Variants in LNX2 observed in about 807,000 individuals in gnomAD.
LNX2 encodes the protein ligand of Numb protein X 2.
A neutral mutation model predicts 66.2 loss-of-function variants in LNX2; 35 were observed. The observed-to-expected ratio is 0.53, with a 90% CI of 0.40 to 0.70. The LOEUF is 0.70. Among genes scored for constraint, LNX2 ranks in the 30% least tolerant of loss-of-function variants. The probability of loss-of-function intolerance (pLI) is 0.00; values close to 1 mark genes in which losing one functional copy is unlikely to be tolerated. For missense variants in LNX2, 791 were observed against 850.8 expected (o/e 0.93, Z 0.87); for synonymous variants, 337 against 315.6 (o/e 1.07, Z -0.72).
chr13:27,614,446 C>T (rs953856620), intron 1 of LNX2, among the ~76,000 whole-genome samples: 1 of 151,176 alleles, frequency 6.6e-6, no homozygotes, highest in African/African-American at 2.4e-5. Context: ...ATGATTGTGC[C>T]CCCAACCAAT....
intron 5 of LNX2, among the ~76,000 whole-genome samples, chr13:27,560,443 A>G (rs1198647051): frequency 6.6e-6 from 1 of 152,062 alleles, no homozygotes. Flanking sequence ...AATCATAATG[A>G]AATTCTGCAC....
Position 27,573,955 on chromosome 13 carries a change from C to T in LNX2, c.408-4679G>A, listed in dbSNP as rs1355892241. Among the ~76,000 whole-genome samples the T allele has an allele frequency of 4.8e-5, 7 of 145,758 alleles. No individual in the cohort carries two copies. The East Asian group carries it at 1.4e-3, about 29-fold the overall frequency. On this transcript the variant is annotated intron_variant, in intron 2 of 9. Transcript: ENST00000316334. ...AAAAAAAAAAAGCAGCCAACAGAAA[C>T]TGTCCCTAAGGAAGCCCAGGCATTA... is the stretch of plus-strand genomic sequence containing the variant.
chr13:27,578,352 C>T (rs927067237), intron 2 of LNX2, among the ~76,000 whole-genome samples: 1 of 152,198 alleles, frequency 6.6e-6, no homozygotes, highest in Non-Finnish European at 1.5e-5. Flanking sequence ...ATGAAACTTA[C>T]AGACTTACCA....
intron 6 of LNX2, 81 bp from the exon 7 acceptor site, chr13:27,556,494 A>G: frequency 9.0e-7 from 1 of 1,114,576 alleles, no homozygotes; most frequent in Non-Finnish European, 1.3e-6. Context: ...CTAAGGTAAT[A>G]ACTTACATGG....
At chr13:27,609,940 T>C (rs994486754) in intron 1 of LNX2, among the ~76,000 whole-genome samples, 1 of 152,258 alleles carries the variant, frequency 6.6e-6, no homozygotes, top group African/African-American at 2.4e-5. Context: ...AATAGAATTA[T>C]GTCTATTTTT....
chr13:27,594,764 C>T (rs2138435185), intron 1 of LNX2, among the ~76,000 whole-genome samples: 2 of 152,254 alleles, frequency 1.3e-5, no homozygotes, highest in South Asian at 4.1e-4. Context: ...GTTTCTCTTT[C>T]TCACTCCCTG....
chr13:27,590,339 C>T (rs1403182709), intron 1 of LNX2, among the ~76,000 whole-genome samples: 1 of 152,136 alleles, frequency 6.6e-6, no homozygotes, highest in Non-Finnish European at 1.5e-5. Context: ...CAACCTCTGC[C>T]TCCTGAGCAG....
chr13:27,556,305 C>G lies in LNX2; in HGVS notation c.1477G>C (p.Glu493Gln). 1 of 1,614,020 alleles carries G rather than the reference C, an allele frequency of 6.2e-7. No homozygotes were observed. Among genetic ancestry groups the G allele is most frequent in the Non-Finnish European group, 8.5e-7 (1 of 1,179,956 alleles). ...VAGGRGSKSGELPIFVTSVPP... is the reference protein window; with the variant it reads ...VAGGRGSKSGQLPIFVTSVPP... ...ACACTGGTCACAAAGATGGGCAGCT[C>G]ACCACTCTTACTTCCCCTGCCCCCA... Residue 493 changes from glutamate (E) to glutamine (Q), a missense_variant, in exon 7 of 10, where the codon GAG becomes CAG. Physicochemically the swap from Glu to Gln is conservative, Grantham distance 29. Coordinates refer to ENST00000316334, the MANE Select transcript of LNX2 (RefSeq NM_153371.4).
At chr13:27,618,721 C>T (rs937290042) in intron 1 of LNX2, among the ~76,000 whole-genome samples, 3 of 152,208 alleles carry the variant, frequency 2.0e-5, no homozygotes, top group African/African-American at 7.2e-5. Context: ...ATACATGTCC[C>T]TGACTACTAC....
intron 4 of LNX2, among the ~76,000 whole-genome samples, chr13:27,565,108 A>C (rs1955188814): frequency 6.6e-6 from 1 of 152,216 alleles, no homozygotes; most frequent in Non-Finnish European, 1.5e-5. Flanking sequence ...ATGCAGTGGA[A>C]TTTCTACAAT....
intron 2 of LNX2, among the ~76,000 whole-genome samples, chr13:27,570,003 G>C (rs765413898): frequency 4.6e-5 from 7 of 152,176 alleles, no homozygotes; most frequent in Non-Finnish European, 8.8e-5. Flanking sequence ...AATAAAAGGA[G>C]CCGATGGATG....
At chr13:27,578,593 G>A (rs1440981305) in intron 2 of LNX2, among the ~76,000 whole-genome samples, 2 of 152,148 alleles carry the variant, frequency 1.3e-5, no homozygotes, top group Non-Finnish European at 2.9e-5. Context: ...CAACTTCAAG[G>A]CTAGATCATA....
chr13:27,598,395 G>A (rs556292543), intron 1 of LNX2, among the ~76,000 whole-genome samples: 6 of 152,258 alleles, frequency 3.9e-5, no homozygotes, highest in Admixed American at 3.9e-4. Context: ...AACAAAAGGG[G>A]ATGAGACCGA....
chr13:27,549,535 G>C (rs1194588696), intron 9 of LNX2, among the ~76,000 whole-genome samples: 2 of 152,186 alleles, frequency 1.3e-5, no homozygotes, highest in Non-Finnish European at 2.9e-5. Context: ...TCCTGGGTTT[G>C]AATGCCAGCC....
At chr13:27,583,255 T>TGTGTGTGTGTGTGCGCGCGCGCGCGCGC (rs1555268514) in intron 1 of LNX2, among the ~76,000 whole-genome samples, 1 of 58,530 alleles carries the variant, frequency 1.7e-5, no homozygotes, top group Non-Finnish European at 3.2e-5. Flanking sequence ...TGTGTGTGTG[T>TGTGTGTGTGTGTGCGCGCGCGCGCGCGC]GCGCGCGTCC....
At chr13:27,608,220 C>T (rs1955738380) in intron 1 of LNX2, among the ~76,000 whole-genome samples, 1 of 152,206 alleles carries the variant, frequency 6.6e-6, no homozygotes, top group South Asian at 2.1e-4. Context: ...CTATTCTTTA[C>T]TCGTAACTGC....
intron 9 of LNX2, 52 bp downstream of exon 9, chr13:27,550,281 C>A: frequency 6.5e-7 from 1 of 1,534,296 alleles, no homozygotes; most frequent in Middle Eastern, 1.7e-4. Flanking sequence ...TGGTCTAGAT[C>A]ATGTCCAATG....
At chr13:27,556,011 C>T (rs894403977) in intron 7 of LNX2, among the ~76,000 whole-genome samples, 1 of 152,116 alleles carries the variant, frequency 6.6e-6, no homozygotes, top group Non-Finnish European at 1.5e-5. Context: ...GTCTGAGTAA[C>T]TGTTAGCAAA....
intron 1 of LNX2, among the ~76,000 whole-genome samples, chr13:27,607,060 T>C (rs1955724715): frequency 1.3e-5 from 2 of 152,340 alleles, no homozygotes; most frequent in East Asian, 1.9e-4. Context: ...TGCAAAGTTA[T>C]TTCCTATCAT....
Sources: gnomAD v4.1 joint callset for allele counts (sites outside exome capture counted in the v4.1 genomes callset) on GRCh38, gnomAD v4.1.1 for gene constraint, MANE v1.5 for transcripts, NCBI Gene and HGNC (gene_info 2026-07-23, HGNC 2026-07-21) for gene names.